The following CDH4 variants were observed in gnomAD, a reference collection of about 807,000 sequenced individuals.
The protein encoded by CDH4 is cadherin 4.
In CDH4, 33 loss-of-function variants were observed where a neutral mutation model predicts 86.0. The observed-to-expected ratio is 0.38, with a 90% CI of 0.29 to 0.51. The LOEUF (loss-of-function observed/expected upper bound fraction) is 0.51. Ranked by LOEUF, CDH4 falls within the 20% of genes least tolerant of loss-of-function variation. The probability of loss-of-function intolerance (pLI) is 0.86; values close to 1 mark genes in which losing one functional copy is unlikely to be tolerated. For missense variants in CDH4, 1,114 were observed against 1,307.4 expected, an observed-to-expected ratio of 0.85 and a Z score of 2.28; for synonymous variants, 555 against 549.4, an observed-to-expected ratio of 1.01 and a Z score of -0.14.
At chr20:61,464,305 A>G (rs1281217428) in intron 2 of CDH4, among the ~76,000 whole-genome samples, 1 of 152,236 alleles carries the variant, frequency 6.6e-6, no homozygotes, top group Non-Finnish European at 1.5e-5. Context: ...TACAGTTATT[A>G]TGGATGTAAT....
intron 2 of CDH4, among the ~76,000 whole-genome samples, chr20:61,498,088 A>G (rs567018881): frequency 1.9e-4 from 28 of 151,004 alleles, no homozygotes; most frequent in Non-Finnish European, 4.0e-4. Flanking sequence ...GGATAGCATT[A>G]GGAGATATAC....
intron 2 of CDH4, among the ~76,000 whole-genome samples, chr20:61,283,877 G>A (rs917593179): frequency 3.3e-5 from 5 of 152,170 alleles, no homozygotes; most frequent in African/African-American, 1.2e-4. Flanking sequence ...GCTGTACCAT[G>A]TCCCCACTGC....
At chr20:61,695,201 C>T (rs944839279) in intron 2 of CDH4, among the ~76,000 whole-genome samples, 3 of 152,226 alleles carry the variant, frequency 2.0e-5, no homozygotes, top group African/African-American at 7.2e-5. Context: ...GCAGTAGGCA[C>T]AGAGGTCACC....
intron 2 of CDH4, among the ~76,000 whole-genome samples, chr20:61,323,179 G>A (rs757281486): frequency 1.3e-5 from 2 of 152,200 alleles, no homozygotes; most frequent in Non-Finnish European, 2.9e-5. Context: ...CTGAGAGTCA[G>A]CTGGCTTTCC....
intron 2 of CDH4, among the ~76,000 whole-genome samples, chr20:61,721,497 A>G (rs540338635): frequency 6.6e-6 from 1 of 152,194 alleles, no homozygotes; most frequent in Non-Finnish European, 1.5e-5. Flanking sequence ...GCAAATTATA[A>G]TTTACACCCA....
intron 2 of CDH4, among the ~76,000 whole-genome samples, chr20:61,600,692 G>A (rs1299979970): frequency 6.6e-6 from 1 of 152,144 alleles, no homozygotes; most frequent in Non-Finnish European, 1.5e-5. Context: ...GTATAAGAAG[G>A]CATAGTATAT....
intron 2 of CDH4, among the ~76,000 whole-genome samples, chr20:61,696,556 C>G (rs1158809393): frequency 6.6e-6 from 1 of 152,194 alleles, no homozygotes. Context: ...AAGACGGGAC[C>G]GGGGCTGAGA....
At chr20:61,430,663 A>G (rs1033541336) in intron 2 of CDH4, among the ~76,000 whole-genome samples, 5 of 152,206 alleles carry the variant, frequency 3.3e-5, no homozygotes, top group African/African-American at 9.6e-5. Context: ...CCGGTGACAG[A>G]TCAGTCGCCA....
chr20:61,296,280 G>GGTGTGTGCGTGGGTGT (rs376683190), intron 2 of CDH4, among the ~76,000 whole-genome samples: 2 of 136,998 alleles, frequency 1.5e-5, no homozygotes, highest in Non-Finnish European at 3.2e-5. Context: ...TGTGTGCGTG[G>GGTGTGTGCGTGGGTGT]GTGCGTGTGT....
At chr20:61,427,349 C>A (rs909693148) in intron 2 of CDH4, among the ~76,000 whole-genome samples, 1 of 152,194 alleles carries the variant, frequency 6.6e-6, no homozygotes, top group African/African-American at 2.4e-5. Context: ...TCTCTTCTCC[C>A]AGCACAGGCA....
At chr20:61,447,252 G>C (rs2085356118) in intron 2 of CDH4, among the ~76,000 whole-genome samples, 1 of 151,798 alleles carries the variant, frequency 6.6e-6, no homozygotes, top group Non-Finnish European at 1.5e-5. Context: ...CGCCTCCTGG[G>C]TTCAAGCAAT....
At position 61,936,762 on chromosome 20, in the gene CDH4, C is replaced by G. The variant is rs779676023; in HGVS notation, c.2570C>G (p.Pro857Arg). 2 of 1,606,994 alleles carry G rather than the reference C, an allele frequency of 1.2e-6. No individual in the cohort carries two copies. The highest frequency in any genetic ancestry group is 8.5e-7 in the Non-Finnish European group (1 of 1,177,520). ...GGACTCCGCGCTGCTGACAACGACC[C>G]CACGGCACCCCCCTATGACTCCCTG... ...NEGLRAADND[P>R]TAPPYDSLLV... Residue 857 changes from proline to arginine, a missense_variant, in exon 16 of 16, where the codon CCC becomes CGC. By Grantham distance (103) the Pro-to-Arg change is moderately radical (BLOSUM62 -2). Transcript: ENST00000614565.
chr20:61,919,275 C>T (rs1259325289), intron 9 of CDH4, among the ~76,000 whole-genome samples: 1 of 152,196 alleles, frequency 6.6e-6, no homozygotes, highest in Non-Finnish European at 1.5e-5. Context: ...GTGGTTGTTC[C>T]TGCTTGGAAA....
chr20:61,433,227 A>G (rs2085258375), intron 2 of CDH4, among the ~76,000 whole-genome samples: 1 of 152,064 alleles, frequency 6.6e-6, no homozygotes, highest in African/African-American at 2.4e-5. Flanking sequence ...TGGTTATCCA[A>G]TTGTTGGTGC....
At chr20:61,647,560 TCTCC>T (rs1194311187) in intron 2 of CDH4, among the ~76,000 whole-genome samples, 1 of 97,504 alleles carries the variant, frequency 1.0e-5, no homozygotes, top group African/African-American at 3.9e-5. Flanking sequence ...TCCCTCTCCC[TCTCC>T]CTCTCCCTCC....
At position 61,653,163 on chromosome 20, in the gene CDH4, A is replaced by G. The variant is rs1259844972; in HGVS notation, c.170-90400A>G. Among the ~76,000 whole-genome samples the G allele has an allele frequency of 6.2e-5, 8 of 128,134 alleles. No homozygotes were observed. The East Asian group carries it at 1.4e-3, about 23-fold the overall frequency. The allele number at this position is 128,134 out of a possible 152,430, so 84.1% of individuals were successfully genotyped here. Reference sequence around the variant, plus strand: ...CTTAACGAGCATACTGCCTTCAAGCATCTGTTTAACAAAGCACATCTTGCA... The same window carrying G: ...CTTAACGAGCATACTGCCTTCAAGCGTCTGTTTAACAAAGCACATCTTGCA... On this transcript the variant is annotated intron_variant, in intron 2 of 15. Coordinates refer to ENST00000614565, the MANE Select transcript of CDH4 (RefSeq NM_001794.5).
intron 8 of CDH4, 41 bp downstream of exon 8, chr20:61,895,088 A>T (rs751454638): frequency 1.9e-6 from 3 of 1,605,320 alleles, no homozygotes; most frequent in South Asian, 1.1e-5. Flanking sequence ...TGGCCCGTGC[A>T]GGGCAGGAAT....
At chr20:61,573,412 C>T (rs543688829) in intron 2 of CDH4, among the ~76,000 whole-genome samples, 16 of 152,242 alleles carry the variant, frequency 1.1e-4, no homozygotes, top group Non-Finnish European at 2.1e-4. Context: ...GTAGAAATGT[C>T]ACCTGCTTTG....
rs1025193458 is a variant in CDH4 at position 61,740,386 on chromosome 20, C to G, written c.170-3177C>G. 2.0e-5 allele frequency: 3 copies of G among 152,178 alleles called. No homozygotes were observed. In the South Asian group the frequency reaches 6.2e-4, roughly 32 times the overall value. The allele number at this position is 152,178 out of a possible 1,614,324, so 9.4% of individuals were successfully genotyped here. On this transcript the variant is annotated intron_variant, in intron 2 of 15. Coordinates refer to ENST00000614565, the MANE Select transcript of CDH4 (RefSeq NM_001794.5). ...ATTCTGGGTTGTGTTCATAGGTACC[C>G]ACATTTCACAGAGTTTCCAAACAGA...
Sources: allele counts gnomAD v4.1 joint callset (sites outside exome capture counted in the v4.1 genomes callset), GRCh38; gene constraint gnomAD v4.1.1; transcripts MANE v1.5; gene names NCBI Gene and HGNC (gene_info 2026-07-23, HGNC 2026-07-21).